SMYD3: variants seen among roughly 807,000 people sequenced by gnomAD.
SMYD3 encodes the protein histone-lysine N-methyltransferase SMYD3.
A neutral mutation model predicts 57.7 loss-of-function variants in SMYD3; 36 were observed. The observed-to-expected ratio is 0.62, with a 90% confidence interval of 0.48 to 0.82. SMYD3 has a LOEUF of 0.82. Among genes scored for constraint, SMYD3 ranks in the 40% least tolerant of loss-of-function variants. The pLI is 0.00. For missense variants in SMYD3, 515 were observed against 538.8 expected (o/e 0.96, Z 0.44); for synonymous variants, 211 against 195.0 (o/e 1.08, Z -0.68).
At chr1:246,393,371 A>G (rs1484805896) in intron 1 of SMYD3, among the ~76,000 whole-genome samples, 1 of 152,180 alleles carries the variant, frequency 6.6e-6, no homozygotes, top group Non-Finnish European at 1.5e-5. Context: ...CAGGATTCCT[A>G]CATACATCAC....
intron 5 of SMYD3, among the ~76,000 whole-genome samples, chr1:245,971,063 A>G (rs1558545399): frequency 6.6e-6 from 1 of 152,242 alleles, no homozygotes; most frequent in Non-Finnish European, 1.5e-5. Flanking sequence ...TCCATTAGTG[A>G]TAGACTAGAT....
At chr1:246,340,539 T>C (rs966671575) in intron 2 of SMYD3, among the ~76,000 whole-genome samples, 7 of 152,048 alleles carry the variant, frequency 4.6e-5, no homozygotes, top group Non-Finnish European at 7.4e-5. Flanking sequence ...TCCCATTAAT[T>C]TGGCAAAAAT....
chr1:246,284,600 T>G (rs974855705), intron 5 of SMYD3, among the ~76,000 whole-genome samples: 1 of 152,106 alleles, frequency 6.6e-6, no homozygotes, highest in African/African-American at 2.4e-5. Flanking sequence ...GTATTTTTAG[T>G]AGAGACGGGG....
intron 5 of SMYD3, among the ~76,000 whole-genome samples, chr1:246,101,396 C>T (rs12059622): frequency 0.066 from 10,031 of 152,148 alleles, 392 homozygotes; most frequent in African/African-American, 0.076. Context: ...GCTCCTCTTC[C>T]AGCAGAGTGT....
intron 10 of SMYD3, among the ~76,000 whole-genome samples, chr1:245,783,571 C>T (rs962191543): frequency 3.3e-5 from 5 of 151,382 alleles, no homozygotes; most frequent in East Asian, 1.9e-4. Context: ...AAAAAAATAA[C>T]AGGATATAGA....
chr1:246,233,977 TTCAATTCACAC>T (rs2063469619), intron 5 of SMYD3, among the ~76,000 whole-genome samples: 2 of 107,990 alleles, frequency 1.9e-5, no homozygotes, highest in African/African-American at 3.4e-5. Flanking sequence ...GAAGCACTCC[TTCAATTCACAC>T]TGTGATGAAC....
chr1:246,479,902 G>A (rs984083765), intron 1 of SMYD3, among the ~76,000 whole-genome samples: 2 of 152,052 alleles, frequency 1.3e-5, no homozygotes, highest in Non-Finnish European at 2.9e-5. Flanking sequence ...AATATCTGCT[G>A]TATCTTCAGT....
chr1:246,329,991 G>A (rs979243473), intron 4 of SMYD3, among the ~76,000 whole-genome samples: 1 of 152,152 alleles, frequency 6.6e-6, no homozygotes, highest in Non-Finnish European at 1.5e-5. Flanking sequence ...ATCACAAGAA[G>A]GTGGCTACCT....
chr1:246,114,038 T>G (rs565033830), intron 5 of SMYD3, among the ~76,000 whole-genome samples: 2 of 152,084 alleles, frequency 1.3e-5, no homozygotes, highest in African/African-American at 4.8e-5. Context: ...GGCTGTGCAG[T>G]TTTTCATAGT....
At chr1:246,398,197 C>A (rs1378506421) in intron 1 of SMYD3, among the ~76,000 whole-genome samples, 1 of 152,232 alleles carries the variant, frequency 6.6e-6, no homozygotes, top group African/African-American at 2.4e-5. Flanking sequence ...ATTTCAGGCT[C>A]TTCCCATCAT....
intron 5 of SMYD3, among the ~76,000 whole-genome samples, chr1:245,934,792 A>T (rs1160087027): frequency 6.6e-6 from 1 of 152,174 alleles, no homozygotes; most frequent in Non-Finnish European, 1.5e-5. Context: ...AGAAACAATG[A>T]CCAACTACAT....
chr1:246,248,635 CCTTTTTTTTTTT>C (rs1402347192), intron 5 of SMYD3, among the ~76,000 whole-genome samples: 1 of 68,336 alleles, frequency 1.5e-5, no homozygotes, highest in African/African-American at 6.5e-5. Context: ...CTCTGACTTT[CCTTTTTTTTTTT>C]TTTTTTTTTT....
At chr1:245,994,337 T>C (rs1355131912) in intron 5 of SMYD3, among the ~76,000 whole-genome samples, 1 of 152,170 alleles carries the variant, frequency 6.6e-6, no homozygotes, top group Non-Finnish European at 1.5e-5. Flanking sequence ...AGTCAGAGAT[T>C]GGCCCGACAA....
intron 5 of SMYD3, among the ~76,000 whole-genome samples, chr1:246,207,942 T>A (rs1465104283): frequency 1.3e-5 from 2 of 152,252 alleles, no homozygotes; most frequent in East Asian, 3.9e-4. Context: ...CATTAATTGG[T>A]CTAGTTAACC....
intron 5 of SMYD3, among the ~76,000 whole-genome samples, chr1:246,017,152 T>C (rs1305753711): frequency 1.3e-5 from 2 of 152,202 alleles, no homozygotes; most frequent in African/African-American, 4.8e-5. Context: ...ACTGCCACCA[T>C]TAATTTTTAT....
At chr1:245,988,667 C>T (rs138622742) in intron 5 of SMYD3, 213 of 152,374 alleles carry the variant, frequency 1.4e-3, no homozygotes, top group African/African-American at 5.0e-3. Flanking sequence ...CTGGCCTAAT[C>T]CAATCAGCCC....
chr1:245,856,038 A>G (rs1170690284), intron 10 of SMYD3, among the ~76,000 whole-genome samples: 2 of 152,248 alleles, frequency 1.3e-5, no homozygotes, highest in African/African-American at 4.8e-5. Flanking sequence ...GGGGGCTGAG[A>G]GCACTCAGTG....
rs187730340 is a variant in SMYD3 at position 246,368,310 on chromosome 1, A to G, written c.165-13216T>C. Among the ~76,000 whole-genome samples the G allele has an allele frequency of 9.1e-4, 139 of 152,312 alleles. 2 individuals carry two copies. Among genetic ancestry groups the G allele is most frequent in the African/African-American group, 3.1e-3 (130 of 41,562 alleles). ...TATCCTTCTTGGGTGTCAGAGGGAAAGAGTATGTCCATGTTTAGAAACTCT... is the reference window on the plus strand; with the variant it reads ...TATCCTTCTTGGGTGTCAGAGGGAAGGAGTATGTCCATGTTTAGAAACTCT... On this transcript the variant is annotated intron_variant, in intron 1 of 11. Transcript: ENST00000490107.
intron 1 of SMYD3, among the ~76,000 whole-genome samples, chr1:246,381,072 G>A (rs2066379702): frequency 6.6e-6 from 1 of 152,230 alleles, no homozygotes; most frequent in Admixed American, 6.5e-5. Flanking sequence ...AAATGCTTCA[G>A]AGGAGCTGGC....
Sources: allele counts gnomAD v4.1 joint callset (sites outside exome capture counted in the v4.1 genomes callset), GRCh38; gene constraint gnomAD v4.1.1; transcripts MANE v1.5; gene names NCBI Gene and HGNC (gene_info 2026-07-23, HGNC 2026-07-21).